The following PCDHGA11 variants were observed in gnomAD, a reference collection of about 807,000 sequenced individuals.
PCDHGA11 encodes the protein protocadherin gamma-A11.
PCDHGA11 carries 39 observed loss-of-function variants against 60.4 expected under a neutral mutation model. The ratio of observed to expected loss-of-function variants is 0.65; its 90% CI spans 0.50 to 0.84. The LOEUF is 0.84. Ranked by LOEUF, PCDHGA11 falls within the 40% of genes least tolerant of loss-of-function variation. The probability of loss-of-function intolerance (pLI) is 0.00; values close to 1 mark genes in which losing one functional copy is unlikely to be tolerated. For missense variants in PCDHGA11, 1,165 were observed against 1,197.7 expected (o/e 0.97, Z 0.40); for synonymous variants, 533 against 510.3 (o/e 1.04, Z -0.60).
chr5:141,429,376 T>TG (rs2097206796), intron 1 of PCDHGA11, among the ~76,000 whole-genome samples: 1 of 144,558 alleles, frequency 6.9e-6, no homozygotes, highest in Non-Finnish European at 1.5e-5. Context: ...GGAGAAAATG[T>TG]GTTTTTTTTT....
At chr5:141,451,624 G>A (rs1016417101) in intron 1 of PCDHGA11, among the ~76,000 whole-genome samples, 3 of 152,150 alleles carry the variant, frequency 2.0e-5, no homozygotes, top group African/African-American at 7.2e-5. Context: ...GCTCAAACCT[G>A]TAATTCCAGC....
intron 1 of PCDHGA11, among the ~76,000 whole-genome samples, chr5:141,467,628 CA>C (rs1301043003): frequency 6.6e-6 from 1 of 152,106 alleles, no homozygotes; most frequent in Non-Finnish European, 1.5e-5. Context: ...TTTGAGATAG[CA>C]TCTTTATCAT....
At chr5:141,447,613 A>G (rs1169186870) in intron 1 of PCDHGA11, among the ~76,000 whole-genome samples, 1 of 152,186 alleles carries the variant, frequency 6.6e-6, no homozygotes, top group Admixed American at 6.5e-5. Context: ...TTAGCATTTT[A>G]AAGTTGAAAC....
chr5:141,433,245 A>C, intron 1 of PCDHGA11: 3 of 1,459,776 alleles, frequency 2.1e-6, no homozygotes, highest in Non-Finnish European at 2.8e-6. Context: ...CCAAGCTGGA[A>C]TGCAGCGGTA....
chr5:141,502,514 T>A (rs2099814743), intron 2 of PCDHGA11, among the ~76,000 whole-genome samples: 1 of 152,202 alleles, frequency 6.6e-6, no homozygotes, highest in African/African-American at 2.4e-5. Flanking sequence ...TGTCCCACTA[T>A]CAGTGATGCC....
At chr5:141,494,733 C>G in intron 1 of PCDHGA11, 74 bp from the exon 2 acceptor site, 1 of 1,610,826 alleles carries the variant, frequency 6.2e-7, no homozygotes, top group South Asian at 1.1e-5. Flanking sequence ...CTCTCCCGGC[C>G]CATCCCTAGG....
In PCDHGA11 at chr5:141,432,976, C is replaced by T; in HGVS notation, c.2433+9316C>T. 1 of 1,614,210 alleles carries T rather than the reference C, an allele frequency of 6.2e-7. No individual in the cohort carries two copies. On this transcript the variant is annotated intron_variant, in intron 1 of 3. Transcript: ENST00000398587. The surrounding 1 kb of genome is among the most constrained non-coding windows in gnomAD (Gnocchi z 6.0). Reference sequence around the variant, plus strand: ...GCTTGACAGGAGCGCCGGCGTCGCACTTTGTGGGCGTGGACGGGGTGCAGG... The same window carrying T: ...GCTTGACAGGAGCGCCGGCGTCGCATTTTGTGGGCGTGGACGGGGTGCAGG...
In PCDHGA11 at chr5:141,486,872, C is replaced by T. The variant is rs1320632059; in HGVS notation, c.2434-7935C>T. On this transcript the variant is annotated intron_variant, in intron 1 of 3. Transcript: ENST00000398587. The surrounding 1 kb of genome is among the most constrained non-coding windows in gnomAD (Gnocchi z 5.0). ...CAATGACAATGCTCCAGCTGTGCTC[C>T]GTCCTCGGGCCCGGCCTGGTTCCTT... The T allele has an allele frequency of 3.7e-6, 6 of 1,614,232 alleles. No individual in the cohort carries two copies. Among genetic ancestry groups the T allele is most frequent in the African/African-American group, 1.3e-5 (1 of 75,070 alleles).
At chr5:141,448,748 G>A (rs1476665217) in intron 1 of PCDHGA11, among the ~76,000 whole-genome samples, 1 of 151,980 alleles carries the variant, frequency 6.6e-6, no homozygotes, top group Admixed American at 6.6e-5. Context: ...AGACCATCCT[G>A]GCTAACACGG....
Position 141,421,870 on chromosome 5 carries a change from G to A in PCDHGA11, c.643G>A (p.Ala215Thr). 1 of 1,613,758 alleles carries A rather than the reference G, an allele frequency of 6.2e-7. No individual in the cohort carries two copies. Among genetic ancestry groups the A allele is most frequent in the Non-Finnish European group, 8.5e-7 (1 of 1,179,886 alleles). ...KEAAHLLLLT[A>T]LDGGDPIRKG... is the part of the protein sequence containing the mutation. ...GGCTGCTCACCTGCTCCTCCTCACA[G>A]CTTTAGATGGAGGCGATCCCATCCG... is the stretch of plus-strand genomic sequence containing the variant. Residue 215 changes from alanine to threonine, a missense_variant, in exon 1 of 4, where the codon GCT becomes ACT. By Grantham distance (58) the Ala-to-Thr change is moderately conservative (BLOSUM62 0). Transcript: ENST00000398587.
chr5:141,492,503 A>G (rs1341352458), intron 1 of PCDHGA11, among the ~76,000 whole-genome samples: 1 of 151,188 alleles, frequency 6.6e-6, no homozygotes, highest in Non-Finnish European at 1.5e-5. Context: ...AGGACTCCGG[A>G]GCCTCCTCTC....
At chr5:141,442,737 G>A (rs1376026431) in intron 1 of PCDHGA11, among the ~76,000 whole-genome samples, 1 of 152,152 alleles carries the variant, frequency 6.6e-6, no homozygotes, top group Non-Finnish European at 1.5e-5. Flanking sequence ...CTGTAGGTAA[G>A]GAGCATGTTT....
Position 141,485,631 on chromosome 5 carries a change from C to T in PCDHGA11, c.2434-9176C>T. 6.2e-7 allele frequency: 1 copy of T among 1,611,764 alleles called. No homozygotes were observed. The highest frequency in any genetic ancestry group is 8.5e-7 in the Non-Finnish European group (1 of 1,178,360). Reference sequence around the variant, plus strand: ...GCAGCTCCTCCAGGACAGCGTTTCCCGTTGGAAAAGGCTCAGGATGCAGAT... The same window carrying T: ...GCAGCTCCTCCAGGACAGCGTTTCCTGTTGGAAAAGGCTCAGGATGCAGAT... On this transcript the variant is annotated intron_variant, in intron 1 of 3. Coordinates refer to ENST00000398587, the MANE Select transcript of PCDHGA11 (RefSeq NM_018914.3). The surrounding 1 kb of genome is among the most constrained non-coding windows in gnomAD (Gnocchi z 5.7).
intron 1 of PCDHGA11, among the ~76,000 whole-genome samples, chr5:141,456,464 A>T (rs1430885015): frequency 6.6e-6 from 1 of 152,192 alleles, no homozygotes; most frequent in Non-Finnish European, 1.5e-5. Flanking sequence ...TCAATACAAG[A>T]CATATAAGCA....
rs746642302 is a variant in PCDHGA11, at chr5:141,491,107, A to G, written c.2434-3700A>G. The stretch of plus-strand genomic sequence containing the variant: ...AGCCCCAGGACTGTTCCTCGTGTCT[A>G]CACACACTGGTGAGGTGCGCACAGC... On this transcript the variant is annotated intron_variant, in intron 1 of 3. Coordinates refer to ENST00000398587, the MANE Select transcript of PCDHGA11 (RefSeq NM_018914.3). The surrounding 1 kb of genome is among the most constrained non-coding windows in gnomAD (Gnocchi z 6.9). 2.5e-6 allele frequency: 4 copies of G among 1,614,148 alleles called. No homozygotes were observed. Among genetic ancestry groups the G allele is most frequent in the Non-Finnish European group, 2.5e-6 (3 of 1,180,014 alleles).
intron 1 of PCDHGA11, among the ~76,000 whole-genome samples, chr5:141,439,459 A>C (rs558086952): frequency 6.6e-6 from 1 of 152,222 alleles, no homozygotes. Flanking sequence ...GCAAGACTGC[A>C]CTGCTGCCTT....
chr5:141,465,697 T>C (rs1386528821), intron 1 of PCDHGA11, among the ~76,000 whole-genome samples: 2 of 152,200 alleles, frequency 1.3e-5, no homozygotes, highest in African/African-American at 4.8e-5. Context: ...TGCTTTTGCA[T>C]TGGTCAAATG....
In PCDHGA11 at chr5:141,487,737, T is replaced by G. The variant is rs1019622307; in HGVS notation, c.2434-7070T>G. 1 of 1,563,758 alleles carries G rather than the reference T, an allele frequency of 6.4e-7. No homozygotes were observed. The highest frequency in any genetic ancestry group is 8.7e-7 in the Non-Finnish European group (1 of 1,152,772). On this transcript the variant is annotated intron_variant, in intron 1 of 3. Transcript: ENST00000398587. This position sits in a 1 kb window ranked among gnomAD's most constrained non-coding sequence, Gnocchi z 5.0. ...GCCCATAGTGATGTCACCATTTTTG[T>G]AAGAGGTAACTATGTGGTAGACGCT...
Position 141,511,669 on chromosome 5 carries a change from T to C in PCDHGA11, c.*496T>C, listed in dbSNP as rs1468492336. 1 of 199,424 alleles carries C rather than the reference T, an allele frequency of 5.0e-6. No individual in the cohort carries two copies. The highest frequency in any genetic ancestry group is 2.3e-5 in the African/African-American group (1 of 43,748). The allele number at this position is 199,424 out of a possible 1,614,324, so 12.4% of individuals were successfully genotyped here. ...TCTTGGCCTCTCCTTTGATTCTCAA[T>C]CTTCCCCCAAAGCATGGTTTGGTGC... On this transcript the variant is annotated 3_prime_UTR_variant, in exon 4 of 4. Coordinates refer to ENST00000398587, the MANE Select transcript of PCDHGA11 (RefSeq NM_018914.3).
Sources: allele counts gnomAD v4.1 joint callset (sites outside exome capture counted in the v4.1 genomes callset), GRCh38; gene constraint gnomAD v4.1.1; non-coding constraint Gnocchi (gnomAD v3.1); transcripts MANE v1.5; gene names NCBI Gene and HGNC (gene_info 2026-07-23, HGNC 2026-07-21).